The following PPAT variants were observed in gnomAD, a reference collection of about 807,000 sequenced individuals.
PPAT encodes amidophosphoribosyltransferase.
In PPAT, 20 loss-of-function variants were observed where a neutral mutation model predicts 60.2. That is an observed-to-expected ratio of 0.33 (90% CI 0.23 to 0.48). The LOEUF is 0.48. PPAT is among the 20% of genes least tolerant of loss of function. The probability of loss-of-function intolerance (pLI) is 0.99; values close to 1 mark genes in which losing one functional copy is unlikely to be tolerated. For missense variants in PPAT, 349 were observed against 629.6 expected, an observed-to-expected ratio of 0.55 and a Z score of 4.77; for synonymous variants, 194 against 215.1, an observed-to-expected ratio of 0.90 and a Z score of 0.86.
Position 56,428,893 on chromosome 4 carries a change from TTCAAATGATG to T in PPAT, c.128+6447_128+6456del. 9.7e-6 allele frequency: 5 copies of T among 517,828 alleles called. No homozygotes were observed. In the South Asian group the frequency reaches 4.1e-4, roughly 43 times the overall value. 32.1% of individuals were successfully genotyped at this position (517,828 alleles called of 1,614,324 possible). On this transcript the variant is annotated intron_variant, in intron 1 of 10. Coordinates refer to ENST00000264220, the MANE Select transcript of PPAT (RefSeq NM_002703.5). The stretch of plus-strand genomic sequence containing the variant: ...GAATGCTTGAAAACCATTAATGTGT[TTCAAATGATG>T]TCACATAATGATTCTTTTCCTGTGT...
At chr4:56,402,216 C>A in intron 5 of PPAT, 35 bp from the exon 6 acceptor site, 2 of 1,517,718 alleles carry the variant, frequency 1.3e-6, no homozygotes, top group Admixed American at 1.7e-5. Context: ...TAATGGATTC[C>A]AGAAATTTTA....
Position 56,396,566 on chromosome 4 carries a change from G to A in PPAT, c.1357+53C>T. On this transcript the variant is annotated intron_variant, in intron 10 of 10. Coordinates refer to ENST00000264220, the MANE Select transcript of PPAT (RefSeq NM_002703.5). The surrounding 1 kb of genome is among the most constrained non-coding windows in gnomAD (Gnocchi z 4.6). Reference sequence around the variant, plus strand: ...TTACTAAAGGTGTAAAGACTGTCAAGCTTTGGATTTTCTCTGTTAATAATC... The same window carrying A: ...TTACTAAAGGTGTAAAGACTGTCAAACTTTGGATTTTCTCTGTTAATAATC... The A allele has an allele frequency of 1.3e-6, 2 of 1,520,826 alleles. No individual in the cohort carries two copies. Among genetic ancestry groups the A allele is most frequent in the East Asian group, 2.3e-5 (1 of 44,220 alleles). The allele number at this position is 1,520,826 out of a possible 1,614,324, so 94.2% of individuals were successfully genotyped here. A position where few individuals can be genotyped will look rare whatever the true frequency, so the allele number is the denominator to read the frequency against.
chr4:56,432,991 C>A (rs1429452970), intron 1 of PPAT, among the ~76,000 whole-genome samples: 1 of 147,286 alleles, frequency 6.8e-6, no homozygotes, highest in African/African-American at 2.6e-5. Context: ...CATACACACA[C>A]GTATTTTATA....
At chr4:56,399,134 CTTA>C in intron 9 of PPAT, 42 bp downstream of exon 9, 1 of 1,513,934 alleles carries the variant, frequency 6.6e-7, no homozygotes, top group East Asian at 2.3e-5. Flanking sequence ...ATGCCAGTAT[CTTA>C]TTGTTAACTT....
intron 1 of PPAT, among the ~76,000 whole-genome samples, chr4:56,432,961 G>GAT (rs1006898843): frequency 2.7e-4 from 37 of 136,544 alleles, no homozygotes; most frequent in African/African-American, 7.4e-4. Flanking sequence ...CTCAGAGTAC[G>GAT]ATATATATAT....
intron 1 of PPAT, among the ~76,000 whole-genome samples, chr4:56,434,506 G>A (rs1293449405): frequency 2.0e-5 from 3 of 152,194 alleles, no homozygotes; most frequent in East Asian, 1.9e-4. Context: ...CAGGTAGTAA[G>A]AAAAGGAAAG....
intron 1 of PPAT, among the ~76,000 whole-genome samples, chr4:56,434,613 T>TCC (rs1717796880): frequency 6.6e-6 from 1 of 152,144 alleles, no homozygotes; most frequent in South Asian, 2.1e-4. Flanking sequence ...TACTCCCCTG[T>TCC]CCCCCTTTTG....
At chr4:56,406,369 T>C in intron 3 of PPAT, 126 bp downstream of exon 3, 1 of 927,254 alleles carries the variant, frequency 1.1e-6, no homozygotes, top group Admixed American at 2.3e-5. Flanking sequence ...GATGCAATTG[T>C]TTGTTGCAGT....
chr4:56,430,514 C>A (rs549798616), intron 1 of PPAT, among the ~76,000 whole-genome samples: 52 of 152,200 alleles, frequency 3.4e-4, no homozygotes, highest in Middle Eastern at 3.4e-3. Context: ...CTTAGATGTA[C>A]ATTATTCCTA....
Position 56,416,148 on chromosome 4 carries a change from T to C in PPAT, c.129-8432A>G, listed in dbSNP as rs371387405. 5.9e-5 allele frequency among the ~76,000 whole-genome samples: 9 copies of C among 152,250 alleles called. No homozygotes were observed. The East Asian group carries it at 1.5e-3, about 26-fold the overall frequency. ...AACTTAAAAAATTATCAAACAATTCTAGCAGAACTTCAAAATGGACCATGT... is the reference window on the plus strand; with the variant it reads ...AACTTAAAAAATTATCAAACAATTCCAGCAGAACTTCAAAATGGACCATGT... On this transcript the variant is annotated intron_variant, in intron 1 of 10. Transcript: ENST00000264220.
chr4:56,397,538 GGGTATATGTTGCCCA>G lies in PPAT; in HGVS notation c.1237-814_1237-800del. Among the ~76,000 whole-genome samples, 8 of 152,130 alleles carry G rather than the reference GGGTATATGTTGCCCA, an allele frequency of 5.3e-5. 1 individual carries two copies. In the Middle Eastern group the frequency reaches 0.024, roughly 453 times the overall value. The stretch of plus-strand genomic sequence containing the variant: ...TTTTATTTTTGATTTTTCAGAGATG[GGGTATATGTTGCCCA>G]GGCTGAGACTTTATTTTTAAATTTA... On this transcript the variant is annotated intron_variant, in intron 9 of 10. Transcript: ENST00000264220.
intron 1 of PPAT, among the ~76,000 whole-genome samples, chr4:56,418,595 A>C (rs1716888907): frequency 1.3e-5 from 2 of 152,224 alleles, no homozygotes; most frequent in South Asian, 4.1e-4. Flanking sequence ...CTGGGATTAC[A>C]GGCCTGAGCC....
chr4:56,396,917 TTC>T lies in PPAT; in HGVS notation c.1237-180_1237-179del. ...TTCTTTCACCTAATCATGAGGAAGT[TTC>T]TTTGTCTAGATATCCTACTTCTCAT... On this transcript the variant is annotated intron_variant, in intron 9 of 10. Transcript: ENST00000264220. This position sits in a 1 kb window ranked among gnomAD's most constrained non-coding sequence, Gnocchi z 4.6. 2.0e-6 allele frequency: 1 copy of T among 508,576 alleles called. No individual in the cohort carries two copies. The highest frequency in any genetic ancestry group is 3.2e-6 in the Non-Finnish European group (1 of 312,848). The allele number at this position is 508,576 out of a possible 1,614,324, so 31.5% of individuals were successfully genotyped here. A position where few individuals can be genotyped will look rare whatever the true frequency, so the allele number is the denominator to read the frequency against.
At chr4:56,435,272 T>TC (rs779466386) in intron 1 of PPAT, 78 bp downstream of exon 1, 155 of 1,592,380 alleles carry the variant, frequency 9.7e-5, no homozygotes, top group Non-Finnish European at 1.3e-4. Context: ...CCTCGGGCGC[T>TC]CATGAGAACG....
intron 1 of PPAT, among the ~76,000 whole-genome samples, chr4:56,414,493 T>G (rs911044005): frequency 6.6e-6 from 1 of 152,216 alleles, no homozygotes; most frequent in African/African-American, 2.4e-5. Context: ...GTGGTCAATT[T>G]CCCCTCTATT....
At chr4:56,409,342 G>A (rs1716346949) in intron 1 of PPAT, among the ~76,000 whole-genome samples, 1 of 152,174 alleles carries the variant, frequency 6.6e-6, no homozygotes, top group Non-Finnish European at 1.5e-5. Flanking sequence ...AACAGGATGA[G>A]TATGTAGATG....
At chr4:56,430,492 C>G (rs1190290552) in intron 1 of PPAT, among the ~76,000 whole-genome samples, 1 of 152,042 alleles carries the variant, frequency 6.6e-6, no homozygotes, top group Admixed American at 6.6e-5. Context: ...ACCACAGTGC[C>G]TTAGTAATAT....
chr4:56,399,459 T>C lies in PPAT; in HGVS notation c.1015-59A>G, dbSNP rs1465518649. ...TAATATACAGAATAGGCAAATATTT[T>C]CTCTAGGTTGTGTTGCCGCCACAAT... On this transcript the variant is annotated intron_variant, in intron 8 of 10. Transcript: ENST00000264220. 2.3e-6 allele frequency: 3 copies of C among 1,303,656 alleles called. No individual in the cohort carries two copies. In the African/African-American group the frequency reaches 4.5e-5, roughly 19 times the overall value. 80.8% of individuals were successfully genotyped at this position (1,303,656 alleles called of 1,614,324 possible). A position where few individuals can be genotyped will look rare whatever the true frequency, so the allele number is the denominator to read the frequency against.
chr4:56,423,056 A>G (rs1055784705), intron 1 of PPAT: 6 of 152,176 alleles, frequency 3.9e-5, no homozygotes, highest in African/African-American at 1.4e-4. Flanking sequence ...TTGCTACCTG[A>G]TAGTTTGCCT....
Sources: allele counts gnomAD v4.1 joint callset (sites outside exome capture counted in the v4.1 genomes callset), GRCh38; gene constraint gnomAD v4.1.1; non-coding constraint Gnocchi (gnomAD v3.1); transcripts MANE v1.5; gene names NCBI Gene and HGNC (gene_info 2026-07-23, HGNC 2026-07-21).